SYNRG: variants seen among roughly 807,000 people sequenced by gnomAD.
SYNRG encodes AP1 gamma subunit binding protein 1.
Under a neutral mutation model 130.9 loss-of-function variants are expected in SYNRG, and 37 were observed. The ratio of observed to expected loss-of-function variants is 0.28; its 90% confidence interval spans 0.22 to 0.37. The LOEUF is 0.37. Among genes scored for constraint, SYNRG ranks in the 10% least tolerant of loss-of-function variants. The probability of loss-of-function intolerance (pLI) is 1.00; values close to 1 mark genes in which losing one functional copy is unlikely to be tolerated. For missense variants in SYNRG, 1,338 were observed against 1,588.9 expected (o/e 0.84, Z 2.68); for synonymous variants, 539 against 568.1 (o/e 0.95, Z 0.73).
intron 14 of SYNRG, among the ~76,000 whole-genome samples, chr17:37,544,850 C>T (rs2058127090): frequency 6.6e-6 from 1 of 152,034 alleles, no homozygotes; most frequent in South Asian, 2.1e-4. Flanking sequence ...ATTTCTATTA[C>T]TAGGCCCGAC....
Position 37,598,142 on chromosome 17 carries a change from C to A in SYNRG, c.119-1798G>T, listed in dbSNP as rs937163137. Among the ~76,000 whole-genome samples, 3 of 152,136 alleles carry A rather than the reference C, an allele frequency of 2.0e-5. No homozygotes were observed. The South Asian group carries it at 6.2e-4, about 31-fold the overall frequency. ...GGTCTTCACTCTCATGGAACTTACACTGTAATTAGGAGAGATAGATAACAA... is the reference window on the plus strand; with the variant it reads ...GGTCTTCACTCTCATGGAACTTACAATGTAATTAGGAGAGATAGATAACAA... On this transcript the variant is annotated intron_variant, in intron 2 of 21. Transcript: ENST00000612223.
intron 19 of SYNRG, among the ~76,000 whole-genome samples, chr17:37,529,338 T>C (rs191610954): frequency 3.3e-5 from 5 of 152,068 alleles, no homozygotes; most frequent in African/African-American, 1.2e-4. Context: ...AACTGATCCT[T>C]GGTATAAAAA....
chr17:37,539,342 T>C (rs2057511897), intron 16 of SYNRG, 97 bp from the exon 17 acceptor site: 1 of 1,281,136 alleles, frequency 7.8e-7, no homozygotes, highest in Non-Finnish European at 1.1e-6. Flanking sequence ...ACTTTCCTTT[T>C]TATTACGATC....
rs1365010289 is a variant in SYNRG at position 37,542,061 on chromosome 17, T to G, written c.3113A>C (p.Asp1038Ala). Residue 1038 changes from aspartate (D) to alanine (A), a missense_variant, in exon 15 of 22, where the codon GAC becomes GCC. Asp to Ala is a moderately radical substitution (Grantham distance 126). Coordinates refer to ENST00000612223, the MANE Select transcript of SYNRG (RefSeq NM_007247.6). The stretch of plus-strand genomic sequence containing the variant: ...GCTTTGTGAAGTGGCTACTAAGAAG[T>G]CAAATTTGCTGATTTTGGGCTTTTC... ...QSEKPKISKFDFLVATSQSKM... is the reference protein window; with the variant it reads ...QSEKPKISKFAFLVATSQSKM... The G allele has an allele frequency of 6.2e-7, 1 of 1,614,214 alleles. No homozygotes were observed. The highest frequency in any genetic ancestry group is 1.7e-5 in the Admixed American group (1 of 60,024).
In SYNRG at chr17:37,532,982, T is replaced by G. The variant is rs1479743728; in HGVS notation, c.3666+2997A>C. The stretch of plus-strand genomic sequence containing the variant: ...ATTTGGCCTATATTGAGAAATGTAA[T>G]AAGAAACTACCCAATGAAAACTGTT... On this transcript the variant is annotated intron_variant, in intron 19 of 21. Coordinates refer to ENST00000612223, the MANE Select transcript of SYNRG (RefSeq NM_007247.6). Among the ~76,000 whole-genome samples, 5 of 152,326 alleles carry G rather than the reference T, an allele frequency of 3.3e-5. No homozygotes were observed. The East Asian group carries it at 9.6e-4, about 29-fold the overall frequency.
intron 21 of SYNRG, 123 bp downstream of exon 21, chr17:37,520,056 C>G (rs1007166839): frequency 1.9e-6 from 2 of 1,076,974 alleles, no homozygotes; most frequent in Non-Finnish European, 2.8e-6. Context: ...GGGAACAAAA[C>G]TGACTCAGTG....
At chr17:37,569,862 T>C (rs1291151448) in intron 10 of SYNRG, among the ~76,000 whole-genome samples, 2 of 152,196 alleles carry the variant, frequency 1.3e-5, no homozygotes, top group Non-Finnish European at 2.9e-5. Context: ...CAAATGAGAT[T>C]ACACTATATT....
At chr17:37,566,196 G>A (rs895139993) in intron 11 of SYNRG, among the ~76,000 whole-genome samples, 3 of 152,294 alleles carry the variant, frequency 2.0e-5, no homozygotes, top group East Asian at 3.9e-4. Flanking sequence ...ATAGAAAGGC[G>A]GGAAAGGTGG....
At chr17:37,544,360 C>A (rs1313770235) in intron 14 of SYNRG, among the ~76,000 whole-genome samples, 3 of 151,452 alleles carry the variant, frequency 2.0e-5, no homozygotes, top group African/African-American at 4.9e-5. Flanking sequence ...TGTCACCCAG[C>A]CTGGAGTGCA....
intron 8 of SYNRG, among the ~76,000 whole-genome samples, chr17:37,573,788 T>G (rs9911068): frequency 0.066 from 10,095 of 152,224 alleles, 1,098 homozygotes; most frequent in African/African-American, 0.22. Context: ...TGTTTTGGAA[T>G]AATCAATGTT....
chr17:37,577,539 T>C lies in SYNRG; in HGVS notation c.664A>G (p.Thr222Ala), dbSNP rs12602536. 287,798 of 1,613,782 alleles carry C rather than the reference T, an allele frequency of 0.18. 26,367 individuals are homozygous for C. The highest frequency in any genetic ancestry group is 0.26 in the Middle Eastern group (1,584 of 6,058). The change falls in exon 7 of 22, where the codon ACT becomes GCT. Residue 222 changes from threonine (T) to alanine (A), a missense_variant. Thr to Ala is a moderately conservative substitution (Grantham distance 58). Around this residue, in one of 3 missense-constraint regions of SYNRG, gnomAD observed 1,146 missense variants for 1,342.3 expected, o/e 0.85. Coordinates refer to ENST00000612223, the MANE Select transcript of SYNRG (RefSeq NM_007247.6). ...TSGQEQIKLN[T>A]SEVGHKALGP... is the part of the protein sequence containing the mutation. ...AGGGCTTTGTGGCCAACTTCAGAAG[T>C]ATTTAATTTAATTTGTTCCTGCCCA... is the stretch of plus-strand genomic sequence containing the variant.
At position 37,520,179 on chromosome 17, in the gene SYNRG, T is replaced by G. The variant is rs776733285; in HGVS notation, c.3813A>C (p.Lys1271Asn). The change falls in exon 21 of 22, where the codon AAA becomes AAC. Residue 1271 changes from lysine (K) to asparagine (N), a missense_variant and splice_region_variant. This residue lies in a region of SYNRG where 1,146 missense variants were observed against 1,342.3 expected (regional missense o/e 0.85). Transcript: ENST00000612223. Reference protein sequence around the residue: ...EEKPAEEHPKKAFNSETDSFK... With the variant: ...EEKPAEEHPKNAFNSETDSFK... ...AAGATAAGGTGTAACTGGTTCATAC[T>G]TTTTTAGGATGTTCTTCTGCAGGCT... 2 of 1,614,022 alleles carry G rather than the reference T, an allele frequency of 1.2e-6. No homozygotes were observed. Among genetic ancestry groups the G allele is most frequent in the African/African-American group, 1.3e-5 (1 of 74,936 alleles).
intron 19 of SYNRG, among the ~76,000 whole-genome samples, chr17:37,530,825 T>G (rs141122206): frequency 2.6e-5 from 4 of 152,194 alleles, no homozygotes; most frequent in Admixed American, 6.5e-5. Context: ...GGTACTATAG[T>G]CCTCCTTAGT....
At chr17:37,538,669 C>T (rs1183534772) in intron 17 of SYNRG, among the ~76,000 whole-genome samples, 6 of 152,262 alleles carry the variant, frequency 3.9e-5, no homozygotes, top group African/African-American at 1.2e-4. Context: ...GATCTCGGCT[C>T]ACTGAACCCC....
At chr17:37,573,244 A>C (rs1367409225) in intron 8 of SYNRG, among the ~76,000 whole-genome samples, 1 of 152,064 alleles carries the variant, frequency 6.6e-6, no homozygotes, top group Non-Finnish European at 1.5e-5. Flanking sequence ...TCTACTAAAA[A>C]TAAAAAAAAT....
At chr17:37,556,027 T>G (rs982413074) in intron 13 of SYNRG, among the ~76,000 whole-genome samples, 1 of 152,204 alleles carries the variant, frequency 6.6e-6, no homozygotes, top group Non-Finnish European at 1.5e-5. Flanking sequence ...AGCTTTAATT[T>G]CCTCACCCAT....
intron 5 of SYNRG, 87 bp from the exon 6 acceptor site, chr17:37,584,846 C>A: frequency 4.2e-6 from 4 of 961,724 alleles, no homozygotes; most frequent in South Asian, 3.3e-5. Flanking sequence ...CACAGATATT[C>A]ATCTATTTCC....
intron 7 of SYNRG, among the ~76,000 whole-genome samples, chr17:37,576,836 G>C (rs1270616764): frequency 2.0e-5 from 3 of 152,102 alleles, no homozygotes; most frequent in Non-Finnish European, 2.9e-5. Flanking sequence ...ACCTACATAT[G>C]ATACTGCTGT....
In SYNRG at chr17:37,553,549, G is replaced by T; in HGVS notation, c.2174C>A (p.Thr725Asn). The stretch of plus-strand genomic sequence containing the variant: ...CTTCACTGTGCTGCCCACGTTGCTG[G>T]TTAGAGGAACAGGACTGGCTTCCTC... ...LKEEASPVPL[T>N]SNVGSTVKGG... is the part of the protein sequence containing the mutation. Residue 725 changes from threonine (T) to asparagine (N), a missense_variant, in exon 14 of 22, where the codon ACC (threonine) becomes AAC (asparagine). Coordinates refer to ENST00000612223, the MANE Select transcript of SYNRG (RefSeq NM_007247.6). 6.2e-7 allele frequency: 1 copy of T among 1,614,172 alleles called. No homozygotes were observed. Among genetic ancestry groups the T allele is most frequent in the Non-Finnish European group, 8.5e-7 (1 of 1,180,036 alleles).
Sources: allele counts gnomAD v4.1 joint callset (sites outside exome capture counted in the v4.1 genomes callset), GRCh38; gene constraint gnomAD v4.1.1; regional missense constraint gnomAD v4.1.1; transcripts MANE v1.5; gene names NCBI Gene and HGNC (gene_info 2026-07-23, HGNC 2026-07-21).